The following ZNF777 variants were observed in gnomAD, a reference collection of about 807,000 sequenced individuals.
ZNF777 encodes the protein zinc finger protein 777.
A neutral mutation model predicts 72.1 loss-of-function variants in ZNF777; 7 were observed. The observed-to-expected ratio is 0.10, with a 90% confidence interval of 0.06 to 0.18. ZNF777 has a LOEUF of 0.18. ZNF777 is among the 10% of genes least tolerant of loss of function. The probability of loss-of-function intolerance (pLI) is 1.00; values close to 1 mark genes in which losing one functional copy is unlikely to be tolerated. For missense variants in ZNF777, 828 were observed against 1,128.6 expected (o/e 0.73, Z 3.82); for synonymous variants, 545 against 483.5 (o/e 1.13, Z -1.67).
chr7:149,440,378 G>A (rs1262188384), intron 4 of ZNF777, among the ~76,000 whole-genome samples: 1 of 152,132 alleles, frequency 6.6e-6, no homozygotes, highest in Non-Finnish European at 1.5e-5. Context: ...TGTTTTTTAA[G>A]AGATGAGGCC....
At chr7:149,456,852 G>A (rs1250302063) in intron 1 of ZNF777, among the ~76,000 whole-genome samples, 2 of 152,212 alleles carry the variant, frequency 1.3e-5, no homozygotes, top group African/African-American at 4.8e-5. Flanking sequence ...GGCCCCTGCT[G>A]TAGAGGCTGA....
chr7:149,432,480 C>T lies in ZNF777; in HGVS notation c.1792G>A (p.Val598Met). The T allele has an allele frequency of 1.9e-6, 3 of 1,613,772 alleles. No individual in the cohort carries two copies. The highest frequency in any genetic ancestry group is 2.2e-5 in the East Asian group (1 of 44,868). Reference sequence around the variant, plus strand: ...TCGGGTGAGACGCAGCCTCCGCGCACGCGGTGGATGCGCTGGTGCAGCGTG... The same window carrying T: ...TCGGGTGAGACGCAGCCTCCGCGCATGCGGTGGATGCGCTGGTGCAGCGTG... The part of the protein sequence containing the change: ...QLTLHQRIHR[V>M]RGGCVSPERG... The change falls in exon 6 of 6, where the codon GTG (valine) becomes ATG (methionine). Residue 598 changes from valine to methionine, a missense_variant. By Grantham distance (21) the Val-to-Met change is conservative. Coordinates refer to ENST00000247930, the MANE Select transcript of ZNF777 (RefSeq NM_015694.3).
rs1799421260 is a variant in ZNF777 at position 149,436,852 on chromosome 7, G to A, written c.1088-26C>T. 6.3e-7 allele frequency: 1 copy of A among 1,593,172 alleles called. No individual in the cohort carries two copies. The highest frequency in any genetic ancestry group is 1.3e-5 in the African/African-American group (1 of 74,476). ...CTGAGAGAGGGTGGGCAGGGGTGAG[G>A]AGGAGAAAAGAACCCAGAATGTTCA... On this transcript the variant is annotated intron_variant, in intron 4 of 5. Coordinates refer to ENST00000247930, the MANE Select transcript of ZNF777 (RefSeq NM_015694.3). This position sits in a 1 kb window ranked among gnomAD's most constrained non-coding sequence, Gnocchi z 5.0.
At chr7:149,433,567 A>G (rs992787181) in intron 5 of ZNF777, among the ~76,000 whole-genome samples, 3 of 151,940 alleles carry the variant, frequency 2.0e-5, no homozygotes, top group Non-Finnish European at 4.4e-5. Context: ...TCCTCCAGAA[A>G]TTTCCCTCTC....
At position 149,432,458 on chromosome 7, in the gene ZNF777, G is replaced by A; in HGVS notation, c.1814C>T (p.Pro605Leu). 6.2e-7 allele frequency: 1 copy of A among 1,613,606 alleles called. No individual in the cohort carries two copies. ...GGGGTTGAACGTGGGCCCGCGTTCG[G>A]GTGAGACGCAGCCTCCGCGCACGCG... Reference protein sequence around the residue: ...IHRVRGGCVSPERGPTFNPKH... With the variant: ...IHRVRGGCVSLERGPTFNPKH... The change falls in exon 6 of 6, where the codon CCC becomes CTC. Residue 605 changes from proline (P) to leucine (L), a missense_variant. Pro to Leu is a moderately conservative substitution (Grantham distance 98). Transcript: ENST00000247930.
chr7:149,434,219 C>T (rs530706639), intron 5 of ZNF777, among the ~76,000 whole-genome samples: 1 of 152,312 alleles, frequency 6.6e-6, no homozygotes, highest in South Asian at 2.1e-4. Context: ...CCTCAAGTAA[C>T]ATGGACTGAA....
At chr7:149,447,304 C>G (rs898137164) in intron 4 of ZNF777, among the ~76,000 whole-genome samples, 3 of 152,212 alleles carry the variant, frequency 2.0e-5, no homozygotes, top group South Asian at 2.1e-4. Flanking sequence ...TGTGCCAAGG[C>G]CAGATGTCTC....
intron 4 of ZNF777, among the ~76,000 whole-genome samples, chr7:149,440,248 C>T (rs2177760): frequency 0.37 from 56,620 of 152,044 alleles, 10,571 homozygotes; most frequent in South Asian, 0.42. Flanking sequence ...CAGAGTGACA[C>T]GCTGCAGGAC....
chr7:149,440,666 T>TTTG (rs1491022952), intron 4 of ZNF777, among the ~76,000 whole-genome samples: 7 of 83,400 alleles, frequency 8.4e-5, no homozygotes, highest in African/African-American at 1.4e-4. Context: ...CAGCCTGTTG[T>TTTG]TTTTTTGTTT....
At chr7:149,433,214 G>C (rs1442213494) in intron 5 of ZNF777, among the ~76,000 whole-genome samples, 1 of 152,194 alleles carries the variant, frequency 6.6e-6, no homozygotes, top group African/African-American at 2.4e-5. Context: ...GAGGACCGCA[G>C]GGGAAATCGC....
chr7:149,432,304 G>A lies in ZNF777; in HGVS notation c.1968C>T (p.Ile656=), dbSNP rs369903619. 1 of 1,610,098 alleles carries A rather than the reference G, an allele frequency of 6.2e-7. No individual in the cohort carries two copies. Residue 656 remains isoleucine, a synonymous_variant, in exon 6 of 6, where the codon ATC becomes ATT. Transcript: ENST00000247930. ...TGTAGGGCCGCTCACCCGTGTGCGT[G>A]ATCTGGTGTTTGGTCAGGCTGGACT... ...SHKSSLTKHQ[I]THTGERPYTC... is the part of the protein sequence containing the mutation.
rs1302856309 is a variant in ZNF777, at chr7:149,432,292, A to T, written c.1980T>A (p.Gly660=). 2 of 1,589,556 alleles carry T rather than the reference A, an allele frequency of 1.3e-6. No individual in the cohort carries two copies. The highest frequency in any genetic ancestry group is 1.1e-5 in the South Asian group (1 of 89,850). ...SLTKHQITHT[G]ERPYTCPECK... is the part of the protein sequence containing the mutation. ...ACTCGGGGCACGTGTAGGGCCGCTC[A>T]CCCGTGTGCGTGATCTGGTGTTTGG... The change falls in exon 6 of 6, where the codon GGT becomes GGA. Residue 660 remains glycine (G), a synonymous_variant. Transcript: ENST00000247930.
At chr7:149,459,112 GTTTGA>G (rs1384727700) in intron 1 of ZNF777, among the ~76,000 whole-genome samples, 1 of 152,132 alleles carries the variant, frequency 6.6e-6, no homozygotes, top group Non-Finnish European at 1.5e-5. Flanking sequence ...AAACATCTTC[GTTTGA>G]TTTTATTTTC....
In ZNF777 at chr7:149,441,786, TACTTAG is replaced by T. The variant is rs1343439581; in HGVS notation, c.1088-4966_1088-4961del. ...CATTTAGTTAAAATAAGCATTTAAT[TACTTAG>T]ACTTAGCAATTTTCTTTTTGTTTTC... On this transcript the variant is annotated intron_variant, in intron 4 of 5. Transcript: ENST00000247930. 4.6e-5 allele frequency among the ~76,000 whole-genome samples: 7 copies of T among 152,366 alleles called. No individual in the cohort carries two copies. In the East Asian group the frequency reaches 1.3e-3, roughly 29 times the overall value.
At position 149,448,849 on chromosome 7, in the gene ZNF777, G is replaced by A. The variant is rs551766115; in HGVS notation, c.1087+2150C>T. Among the ~76,000 whole-genome samples the A allele has an allele frequency of 5.5e-4, 83 of 152,112 alleles. No individual in the cohort carries two copies. In the South Asian group the frequency reaches 7.3e-3, roughly 13 times the overall value. On this transcript the variant is annotated intron_variant, in intron 4 of 5. Coordinates refer to ENST00000247930, the MANE Select transcript of ZNF777 (RefSeq NM_015694.3). ...AGCCCCTGTTCTGAGTATTTGGAGGGTTGACATCTGAATCATCTTTACATC... is the reference window on the plus strand; with the variant it reads ...AGCCCCTGTTCTGAGTATTTGGAGGATTGACATCTGAATCATCTTTACATC...
At chr7:149,454,071 G>C (rs771855520) in intron 3 of ZNF777, 40 bp downstream of exon 3, 1 of 1,611,944 alleles carries the variant, frequency 6.2e-7, no homozygotes. Flanking sequence ...CTTTGAGCTG[G>C]CGTCCAGGCA....
At position 149,431,724 on chromosome 7, in the gene ZNF777, A is replaced by AG. The variant is rs558272897; in HGVS notation, c.*51dup. On this transcript the variant is annotated 3_prime_UTR_variant, in exon 6 of 6. Coordinates refer to ENST00000247930, the MANE Select transcript of ZNF777 (RefSeq NM_015694.3). ...CTGGGCTCGGGCCTGGCGGTGTCCG[A>AG]GGGGGGGCACGGCCCGCGCACCTGG... 2.0e-4 allele frequency: 255 copies of AG among 1,265,210 alleles called. No individual in the cohort carries two copies. In the African/African-American group the frequency reaches 3.1e-3, roughly 16 times the overall value. The allele number at this position is 1,265,210 out of a possible 1,614,324, so 78.4% of individuals were successfully genotyped here.
intron 4 of ZNF777, among the ~76,000 whole-genome samples, chr7:149,449,242 C>T (rs111993589): frequency 1.3e-5 from 2 of 152,210 alleles, no homozygotes; most frequent in Non-Finnish European, 2.9e-5. Context: ...CTGCAGACTC[C>T]CAGGGCCTGG....
chr7:149,433,529 T>C (rs972387234), intron 5 of ZNF777, among the ~76,000 whole-genome samples: 1 of 152,170 alleles, frequency 6.6e-6, no homozygotes, highest in African/African-American at 2.4e-5. Context: ...CACTTGGAGA[T>C]TTCTCCTCTT....
Sources: allele counts gnomAD v4.1 joint callset (sites outside exome capture counted in the v4.1 genomes callset), GRCh38; gene constraint gnomAD v4.1.1; non-coding constraint Gnocchi (gnomAD v3.1); transcripts MANE v1.5; gene names NCBI Gene and HGNC (gene_info 2026-07-23, HGNC 2026-07-21).